YY1: variants seen among roughly 807,000 people sequenced by gnomAD.
YY1 encodes YY1 transcription factor.
YY1 carries 2 observed loss-of-function variants against 35.6 expected under a neutral mutation model. The ratio of observed to expected loss-of-function variants is 0.06; its 90% CI spans 0.02 to 0.18. YY1 has a LOEUF of 0.18. YY1 is among the 10% of genes least tolerant of loss of function. The probability of loss-of-function intolerance (pLI) is 1.00; values close to 1 mark genes in which losing one functional copy is unlikely to be tolerated. For missense variants in YY1, 322 were observed against 573.4 expected (o/e 0.56, Z 4.48); for synonymous variants, 268 against 238.9 (o/e 1.12, Z -1.12).
Position 100,277,442 on chromosome 14 carries a change from C to T in YY1, c.1087C>T (p.Arg363Cys). ...GTGCACGTTCGAAGGCTGTGGGAAA[C>T]GCTTTTCACTGGACTTCAATTTGCG... is the stretch of plus-strand genomic sequence containing the variant. ...FQCTFEGCGK[R>C]FSLDFNLRTH... Residue 363 changes from arginine to cysteine, a missense_variant, in exon 5 of 5, where the codon CGC (arginine) becomes TGC (cysteine). Coordinates refer to ENST00000262238, the MANE Select transcript of YY1 (RefSeq NM_003403.5). The surrounding 1 kb of genome is among the most constrained non-coding windows in gnomAD (Gnocchi z 5.6). 6.2e-7 allele frequency: 1 copy of T among 1,614,224 alleles called. No individual in the cohort carries two copies. Among genetic ancestry groups the T allele is most frequent in the Non-Finnish European group, 8.5e-7 (1 of 1,180,044 alleles).
intron 1 of YY1, among the ~76,000 whole-genome samples, chr14:100,248,510 G>A (rs1056601722): frequency 6.6e-6 from 1 of 151,820 alleles, no homozygotes; most frequent in African/African-American, 2.4e-5. Context: ...AAATTTTTTT[G>A]AGACGGGTTT....
In YY1 at chr14:100,276,864, A is replaced by T. The variant is rs946241377; in HGVS notation, c.1062+216A>T. On this transcript the variant is annotated intron_variant, in intron 4 of 4. Transcript: ENST00000262238. This position sits in a 1 kb window ranked among gnomAD's most constrained non-coding sequence, Gnocchi z 4.1. ...CTCTGTGGTACTGGGTACGCAATGT[A>T]TTGGTGTTGATGGAGTACACTTTAT... 1 of 610,942 alleles carries T rather than the reference A, an allele frequency of 1.6e-6. No homozygotes were observed. The allele number at this position is 610,942 out of a possible 1,614,324, so 37.8% of individuals were successfully genotyped here. A position where few individuals can be genotyped will look rare whatever the true frequency, so the allele number is the denominator to read the frequency against.
intron 1 of YY1, among the ~76,000 whole-genome samples, chr14:100,257,315 C>T (rs1385247691): frequency 6.6e-6 from 1 of 152,094 alleles, no homozygotes; most frequent in Non-Finnish European, 1.5e-5. Context: ...AGAACAATGC[C>T]AGGCACATAG....
chr14:100,247,231 TA>T (rs1434470426), intron 1 of YY1, among the ~76,000 whole-genome samples: 1 of 152,230 alleles, frequency 6.6e-6, no homozygotes, highest in East Asian at 1.9e-4. Context: ...AAACTTAGGT[TA>T]TATTAGCAAA....
chr14:100,249,100 ATTT>A (rs60088505), intron 1 of YY1, among the ~76,000 whole-genome samples: 4 of 46,818 alleles, frequency 8.5e-5, no homozygotes, highest in Non-Finnish European at 1.2e-4. Context: ...TTCTCGTGTA[ATTT>A]TTTTTTTTTT....
At chr14:100,267,931 TC>T (rs1891178985) in intron 2 of YY1, among the ~76,000 whole-genome samples, 1 of 152,206 alleles carries the variant, frequency 6.6e-6, no homozygotes, top group African/African-American at 2.4e-5. Flanking sequence ...TGTTAGATCT[TC>T]ACGTTTTGAG....
intron 1 of YY1, among the ~76,000 whole-genome samples, chr14:100,247,634 C>A (rs1890853337): frequency 6.6e-6 from 1 of 152,038 alleles, no homozygotes; most frequent in African/African-American, 2.4e-5. Context: ...TAGGAAGAGC[C>A]AAGGGAGATG....
chr14:100,242,863 C>T (rs1176498401), intron 1 of YY1, among the ~76,000 whole-genome samples: 1 of 152,150 alleles, frequency 6.6e-6, no homozygotes, highest in Non-Finnish European at 1.5e-5. Context: ...ATTCTCATGT[C>T]TCAGCCTCCC....
intron 2 of YY1, chr14:100,265,541 A>AACTT (rs1891141072): frequency 6.6e-6 from 1 of 152,252 alleles, no homozygotes; most frequent in African/African-American, 2.4e-5. Context: ...CTCCAGCCCC[A>AACTT]ACTTACTTCC....
chr14:100,239,583 G>C lies in YY1; in HGVS notation c.339G>C (p.Val113=), dbSNP rs768522569. Residue 113 remains valine, a synonymous_variant, in exon 1 of 5, where the codon GTG becomes GTC. Coordinates refer to ENST00000262238, the MANE Select transcript of YY1 (RefSeq NM_003403.5). The stretch of plus-strand genomic sequence containing the variant: ...TGGTGCAGACGCGCGAGGAGGTGGT[G>C]GGCGGCGACGACTCGGACGGGCTGC... ...VILVQTREEV[V]GGDDSDGLRA... 3 of 1,612,672 alleles carry C rather than the reference G, an allele frequency of 1.9e-6. No individual in the cohort carries two copies. Among genetic ancestry groups the C allele is most frequent in the South Asian group, 2.2e-5 (2 of 91,068 alleles).
At chr14:100,242,228 A>G (rs1472742370) in intron 1 of YY1, among the ~76,000 whole-genome samples, 1 of 152,164 alleles carries the variant, frequency 6.6e-6, no homozygotes, top group Admixed American at 6.5e-5. Flanking sequence ...CATCCAGAGA[A>G]GCTGGTAGTG....
intron 2 of YY1, among the ~76,000 whole-genome samples, chr14:100,270,774 A>G (rs1219058093): frequency 6.6e-6 from 1 of 152,146 alleles, no homozygotes; most frequent in African/African-American, 2.4e-5. Flanking sequence ...CCATCTTCAC[A>G]CTCAACACAG....
rs115758888 is a variant in YY1, at chr14:100,272,614, C to A, written c.843-2084C>A. Among the ~76,000 whole-genome samples the A allele has an allele frequency of 5.4e-3, 797 of 148,118 alleles. 8 individuals are homozygous for A. Among genetic ancestry groups the A allele is most frequent in the African/African-American group, 0.019 (751 of 40,440 alleles). On this transcript the variant is annotated intron_variant, in intron 2 of 4. Transcript: ENST00000262238. Reference sequence around the variant, plus strand: ...AAGAGTGGTGGTAAATTAGCTCTTGCTTTTAAGGATTCACTTAGGTGGGCT... The same window carrying A: ...AAGAGTGGTGGTAAATTAGCTCTTGATTTTAAGGATTCACTTAGGTGGGCT...
At chr14:100,264,271 G>A (rs891547438) in intron 2 of YY1, 6 of 151,354 alleles carry the variant, frequency 4.0e-5, no homozygotes, top group African/African-American at 9.7e-5. Flanking sequence ...CCACCTCCTG[G>A]GTTCAAGCGA....
chr14:100,269,896 G>T (rs1891208879), intron 2 of YY1, among the ~76,000 whole-genome samples: 1 of 152,008 alleles, frequency 6.6e-6, no homozygotes, highest in African/African-American at 2.4e-5. Context: ...CCAAGAGTTG[G>T]GTAAATGGTA....
intron 2 of YY1, among the ~76,000 whole-genome samples, chr14:100,273,746 C>T (rs374896976): frequency 1.3e-5 from 2 of 151,956 alleles, no homozygotes; most frequent in Non-Finnish European, 2.9e-5. Context: ...AATCTGTTTC[C>T]GAGATTTAAA....
chr14:100,255,593 T>TG (rs1595320793), intron 1 of YY1, among the ~76,000 whole-genome samples: 1 of 152,050 alleles, frequency 6.6e-6, no homozygotes, highest in African/African-American at 2.4e-5. Context: ...CACTCCAACC[T>TG]GGGGGGGACA....
intron 2 of YY1, 41 bp from the exon 3 acceptor site, chr14:100,274,657 A>G (rs1194498818): frequency 7.6e-6 from 12 of 1,572,944 alleles, no homozygotes; most frequent in Non-Finnish European, 1.0e-5. Flanking sequence ...GAGTCTACCC[A>G]CTCCTACAAA....
chr14:100,239,933 G>GGCCGCGC lies in YY1; in HGVS notation c.679+14_679+20dup, dbSNP rs1445405292. 6.6e-7 allele frequency: 1 copy of GGCCGCGC among 1,517,754 alleles called. No homozygotes were observed. The highest frequency in any genetic ancestry group is 8.8e-7 in the Non-Finnish European group (1 of 1,135,368). The allele number at this position is 1,517,754 out of a possible 1,614,324, so 94.0% of individuals were successfully genotyped here. A position where few individuals can be genotyped will look rare whatever the true frequency, so the allele number is the denominator to read the frequency against. On this transcript the variant is annotated intron_variant, in intron 1 of 4. Coordinates refer to ENST00000262238, the MANE Select transcript of YY1 (RefSeq NM_003403.5). Reference sequence around the variant, plus strand: ...ACCATGTGGTCCTCAGGTGAGCGCCGGCCGCGCGCCCCGGCCCCGGGATGT... The same window carrying GGCCGCGC: ...ACCATGTGGTCCTCAGGTGAGCGCCGGCCGCGCGCCGCGCGCCCCGGCCCCGGGATGT...
Sources: allele counts gnomAD v4.1 joint callset (sites outside exome capture counted in the v4.1 genomes callset), GRCh38; gene constraint gnomAD v4.1.1; non-coding constraint Gnocchi (gnomAD v3.1); transcripts MANE v1.5; gene names NCBI Gene and HGNC (gene_info 2026-07-23, HGNC 2026-07-21).